DACT3: variants seen among roughly 807,000 people sequenced by gnomAD.
DACT3 encodes the protein dapper homolog 3.
In DACT3, 5 loss-of-function variants were observed where a neutral mutation model predicts 19.6. The observed-to-expected ratio is 0.26, with a 90% CI of 0.13 to 0.54. The LOEUF is 0.54. Ranked by LOEUF, DACT3 falls within the 20% of genes least tolerant of loss-of-function variation. The pLI is 0.95. For missense variants in DACT3, 908 were observed against 927.4 expected, an observed-to-expected ratio of 0.98 and a Z score of 0.27; for synonymous variants, 454 against 428.1, an observed-to-expected ratio of 1.06 and a Z score of -0.75.
intron 1 of DACT3, chr19:46,654,052 C>T (rs2053011791): frequency 1.0e-6 from 1 of 985,276 alleles, no homozygotes; most frequent in African/African-American, 1.7e-5. Flanking sequence ...CTAGACAGTC[C>T]TGTGAGTCTA....
Position 46,658,985 on chromosome 19 carries a change from T to C in DACT3, c.249+1831A>G, listed in dbSNP as rs187460492. 770 of 647,550 alleles carry C rather than the reference T, an allele frequency of 1.2e-3. 7 individuals are homozygous for C. The African/African-American group carries it at 0.014, about 12-fold the overall frequency. The allele number at this position is 647,550 out of a possible 1,614,324, so 40.1% of individuals were successfully genotyped here. On this transcript the variant is annotated intron_variant, in intron 1 of 3. Coordinates refer to ENST00000391916, the MANE Select transcript of DACT3 (RefSeq NM_145056.3). ...TACCTGGTATCCCCATCATTCCTAT[T>C]AGAAAGTAATCAAGTCTGGCTTCAG... is the stretch of plus-strand genomic sequence containing the variant.
chr19:46,649,590 C>T lies in DACT3; in HGVS notation c.782G>A (p.Arg261His), dbSNP rs1045440321. The change falls in exon 4 of 4, where the codon CGC becomes CAC. Residue 261 changes from arginine (R) to histidine (H), a missense_variant. Around this residue, in one of 2 missense-constraint regions of DACT3, gnomAD observed 656 missense variants for 601.8 expected, o/e 1.09. Transcript: ENST00000391916. ...GYISALLRRR[R>H]RRGAGQPRTS... ...CCGGGGCTGGCCCGCCCCCCGGCGG[C>T]GGCGCCTGCGCAGGAGCGCCGAGAT... The T allele has an allele frequency of 9.1e-7, 1 of 1,102,468 alleles. No individual in the cohort carries two copies. Among genetic ancestry groups the T allele is most frequent in the Non-Finnish European group, 1.1e-6 (1 of 902,348 alleles). The allele number at this position is 1,102,468 out of a possible 1,614,324, so 68.3% of individuals were successfully genotyped here.
chr19:46,658,916 C>T (rs2053052405), intron 1 of DACT3, among the ~76,000 whole-genome samples: 2 of 152,200 alleles, frequency 1.3e-5, no homozygotes, highest in African/African-American at 2.4e-5. Context: ...CCCCTGCCCT[C>T]ACCCAGGATT....
chr19:46,649,471 G>A lies in DACT3; in HGVS notation c.901C>T (p.Pro301Ser). 1 of 1,159,248 alleles carries A rather than the reference G, an allele frequency of 8.6e-7. No individual in the cohort carries two copies. The highest frequency in any genetic ancestry group is 1.1e-6 in the Non-Finnish European group (1 of 942,594). The allele number at this position is 1,159,248 out of a possible 1,614,324, so 71.8% of individuals were successfully genotyped here. A position where few individuals can be genotyped will look rare whatever the true frequency, so the allele number is the denominator to read the frequency against. Reference sequence around the variant, plus strand: ...CGCTCCAACGAGGGCTCCCGCGCGGGTCGCGCGCTGCCGGGGGACGGAGAC... The same window carrying A: ...CGCTCCAACGAGGGCTCCCGCGCGGATCGCGCGCTGCCGGGGGACGGAGAC... ...DASPSPGSARPAREPSLERVG... is the reference protein window; with the variant it reads ...DASPSPGSARSAREPSLERVG... Residue 301 changes from proline to serine, a missense_variant, in exon 4 of 4, where the codon CCC becomes TCC. Physicochemically the swap from Pro to Ser is moderately conservative, Grantham distance 74. Coordinates refer to ENST00000391916, the MANE Select transcript of DACT3 (RefSeq NM_145056.3).
chr19:46,650,019 C>T, intron 3 of DACT3, 147 bp from the exon 4 acceptor site: 1 of 921,826 alleles, frequency 1.1e-6, no homozygotes. Flanking sequence ...CTCACACCTT[C>T]CTTCTTGTAA....
intron 1 of DACT3, chr19:46,659,051 G>A: frequency 2.0e-6 from 2 of 975,616 alleles, no homozygotes; most frequent in Non-Finnish European, 2.4e-6. Flanking sequence ...GGCAGGGGCT[G>A]GGGGTGGGGG....
rs1199812768 is a variant in DACT3 at position 46,649,832 on chromosome 19, C to T, written c.540G>A (p.Arg180=). Residue 180 remains arginine, a synonymous_variant, in exon 4 of 4, where the codon CGG becomes CGA. Transcript: ENST00000391916. ...CTGAGAAGGACCGCGGCACCGCTGC[C>T]CGCGCGCCCACCACCTCCGGAGCGC... is the stretch of plus-strand genomic sequence containing the variant. The part of the protein sequence containing the change: ...SPSAPEVVGA[R]AAVPRSFSAP... 7.0e-7 allele frequency: 1 copy of T among 1,425,716 alleles called. No homozygotes were observed. Among genetic ancestry groups the T allele is most frequent in the Non-Finnish European group, 9.1e-7 (1 of 1,096,302 alleles). 88.3% of individuals were successfully genotyped at this position (1,425,716 alleles called of 1,614,324 possible). A position where few individuals can be genotyped will look rare whatever the true frequency, so the allele number is the denominator to read the frequency against.
chr19:46,651,891 A>G (rs918843319), intron 3 of DACT3: 5 of 151,470 alleles, frequency 3.3e-5, no homozygotes, highest in African/African-American at 1.2e-4. Context: ...ATACCATTTT[A>G]TATTTATTTA....
chr19:46,649,715 G>C lies in DACT3; in HGVS notation c.657C>G (p.Ser219Arg), dbSNP rs1372700872. The change falls in exon 4 of 4, where the codon AGC becomes AGG. Residue 219 changes from serine to arginine, a missense_variant. Coordinates refer to ENST00000391916, the MANE Select transcript of DACT3 (RefSeq NM_145056.3). ...TGCGCATCGCCACGGCGTGCAGGGG[G>C]CTGGGCGTCAGAAAGGGCCCGGCGC... ...RARAGPFLTP[S>R]PLHAVAMRSP... The C allele has an allele frequency of 2.0e-5, 25 of 1,232,546 alleles. No homozygotes were observed. The highest frequency in any genetic ancestry group is 2.5e-5 in the Non-Finnish European group (25 of 987,714). The allele number at this position is 1,232,546 out of a possible 1,614,324, so 76.4% of individuals were successfully genotyped here. A position where few individuals can be genotyped will look rare whatever the true frequency, so the allele number is the denominator to read the frequency against.
rs375074031 is a variant in DACT3, at chr19:46,649,888, CAAAA to C, written c.500-20_500-17del. On this transcript the variant is annotated splice_polypyrimidine_tract_variant and intron_variant, in intron 3 of 3. Transcript: ENST00000391916. ...CTGGCGTCTCCTAGGGAAGGAAGGC[CAAAA>C]AAAAAAAAAAAAGAGAGAGTGGAGG... 1,944 of 1,250,894 alleles carry C rather than the reference CAAAA, an allele frequency of 1.6e-3. No individual in the cohort carries two copies. Among genetic ancestry groups the C allele is most frequent in the South Asian group, 8.3e-3 (410 of 49,458 alleles). 77.5% of individuals were successfully genotyped at this position (1,250,894 alleles called of 1,614,324 possible). A position where few individuals can be genotyped will look rare whatever the true frequency, so the allele number is the denominator to read the frequency against.
chr19:46,660,690 C>T lies in DACT3; in HGVS notation c.249+126G>A. The T allele has an allele frequency of 4.3e-6, 6 of 1,383,894 alleles. No individual in the cohort carries two copies. The highest frequency in any genetic ancestry group is 2.8e-6 in the Non-Finnish European group (3 of 1,074,414). The allele number at this position is 1,383,894 out of a possible 1,614,324, so 85.7% of individuals were successfully genotyped here. Reference sequence around the variant, plus strand: ...GCCGGAACTCCGGGGTCGCCAGCCCCACCCCCTGTCCTTTCTCACTCCCTG... The same window carrying T: ...GCCGGAACTCCGGGGTCGCCAGCCCTACCCCCTGTCCTTTCTCACTCCCTG... On this transcript the variant is annotated intron_variant, in intron 1 of 3. Transcript: ENST00000391916. This position sits in a 1 kb window ranked among gnomAD's most constrained non-coding sequence, Gnocchi z 4.9.
rs2052932724 is a variant in DACT3, at chr19:46,647,773, TTCCC to T, written c.*705_*708del. On this transcript the variant is annotated 3_prime_UTR_variant, in exon 4 of 4. Transcript: ENST00000391916. Reference sequence around the variant, plus strand: ...GCTGAGGGTCATCAGGCTTCCCCCATTCCCTCTCACAGGGAGTGGGGGTCATGAG... The same window carrying T: ...GCTGAGGGTCATCAGGCTTCCCCCATTCTCACAGGGAGTGGGGGTCATGAG... 1 of 152,496 alleles carries T rather than the reference TTCCC, an allele frequency of 6.6e-6. No homozygotes were observed. 9.4% of individuals were successfully genotyped at this position (152,496 alleles called of 1,614,324 possible).
Position 46,648,337 on chromosome 19 carries a change from A to T in DACT3, c.*145T>A. 7.3e-7 allele frequency: 1 copy of T among 1,375,570 alleles called. No individual in the cohort carries two copies. The highest frequency in any genetic ancestry group is 9.9e-7 in the Non-Finnish European group (1 of 1,007,420). The allele number at this position is 1,375,570 out of a possible 1,614,324, so 85.2% of individuals were successfully genotyped here. On this transcript the variant is annotated 3_prime_UTR_variant, in exon 4 of 4. Transcript: ENST00000391916. The surrounding 1 kb of genome is among the most constrained non-coding windows in gnomAD (Gnocchi z 5.1). ...TGGTGGTGGGGGAGCCTTTTCAACC[A>T]AGACTGTTAGGAGTGGGGAGAGTGA...
At position 46,652,790 on chromosome 19, in the gene DACT3, A is replaced by G; in HGVS notation, c.369T>C (p.Ser123=). 6.4e-7 allele frequency: 1 copy of G among 1,551,350 alleles called. No homozygotes were observed. The part of the protein sequence containing the change: ...RSSGFYEDPS[S]TGGPDSPPST... ...AGGGTGGTGAATCTGGACCTCCTGT[A>G]GAGCTGGGATCTTCATAGAAGCCTA... The change falls in exon 3 of 4, where the codon TCT becomes TCC. Residue 123 remains serine (S), a synonymous_variant. Transcript: ENST00000391916.
In DACT3 at chr19:46,660,577, G is replaced by C. The variant is rs961815088; in HGVS notation, c.249+239C>G. Among the ~76,000 whole-genome samples the C allele has an allele frequency of 3.9e-5, 6 of 152,108 alleles. No homozygotes were observed. The highest frequency in any genetic ancestry group is 1.4e-4 in the African/African-American group (6 of 41,414). On this transcript the variant is annotated intron_variant, in intron 1 of 3. Coordinates refer to ENST00000391916, the MANE Select transcript of DACT3 (RefSeq NM_145056.3). The surrounding 1 kb of genome is among the most constrained non-coding windows in gnomAD (Gnocchi z 4.9). Reference sequence around the variant, plus strand: ...CTTTGGGGAAGGGGTGTAAGAGACAGGGCCTGTGTTTCTCACGAGGCCCCA... The same window carrying C: ...CTTTGGGGAAGGGGTGTAAGAGACACGGCCTGTGTTTCTCACGAGGCCCCA...
At chr19:46,654,636 G>A (rs1272861210) in intron 1 of DACT3, 2 of 985,462 alleles carry the variant, frequency 2.0e-6, no homozygotes, top group Non-Finnish European at 2.4e-6. Context: ...GCCAGAAAAA[G>A]TCTCACATGG....
Position 46,649,105 on chromosome 19 carries a change from G to A in DACT3, c.1267C>T (p.Arg423Cys), listed in dbSNP as rs1295751542. The A allele has an allele frequency of 2.3e-6, 3 of 1,294,640 alleles. No individual in the cohort carries two copies. The highest frequency in any genetic ancestry group is 2.1e-5 in the South Asian group (1 of 46,836). The allele number at this position is 1,294,640 out of a possible 1,614,324, so 80.2% of individuals were successfully genotyped here. The change falls in exon 4 of 4, where the codon CGC becomes TGC. Residue 423 changes from arginine (R) to cysteine (C), a missense_variant. By Grantham distance (180) the Arg-to-Cys change is radical (BLOSUM62 -3). Around this residue, in one of 2 missense-constraint regions of DACT3, gnomAD observed 656 missense variants for 601.8 expected, o/e 1.09. Coordinates refer to ENST00000391916, the MANE Select transcript of DACT3 (RefSeq NM_145056.3). ...AGCAGGCTGGTCTCAGACTGGGAGC[G>A]CGAGGCCTTGCGGGCCCTGGGCGAG... The part of the protein sequence containing the change: ...RGSPRARKAS[R>C]SQSETSLLGR...
chr19:46,659,392 GGA>G (rs1196328833), intron 1 of DACT3: 3 of 975,978 alleles, frequency 3.1e-6, no homozygotes, highest in Non-Finnish European at 2.4e-6. Context: ...GGGCAGAGGG[GGA>G]GAGGACACAG....
At chr19:46,659,530 G>C in intron 1 of DACT3, 2 of 821,190 alleles carry the variant, frequency 2.4e-6, no homozygotes, top group Non-Finnish European at 2.9e-6. Flanking sequence ...CTCTAACTTT[G>C]GGAGGGGGTG....
Sources: gnomAD v4.1 joint callset for allele counts (sites outside exome capture counted in the v4.1 genomes callset) on GRCh38, gnomAD v4.1.1 for gene constraint, gnomAD v4.1.1 regional missense constraint, Gnocchi (gnomAD v3.1) non-coding constraint, MANE v1.5 for transcripts, NCBI Gene and HGNC (gene_info 2026-07-23, HGNC 2026-07-21) for gene names.